Variants in TRAPPC9 observed in about 807,000 individuals in gnomAD.
TRAPPC9 encodes the protein trafficking protein particle complex subunit 9.
TRAPPC9 carries 83 observed loss-of-function variants against 124.0 expected under a neutral mutation model. The ratio of observed to expected loss-of-function variants is 0.67; its 90% CI spans 0.56 to 0.80. The LOEUF is 0.80. Ranked by LOEUF, TRAPPC9 falls within the 30% of genes least tolerant of loss-of-function variation. TRAPPC9 has a pLI of 0.00. For missense variants in TRAPPC9, 1,302 were observed against 1,508.3 expected (o/e 0.86, Z 2.27); for synonymous variants, 638 against 617.5 (o/e 1.03, Z -0.49).
chr8:140,364,187 G>A (rs1238587590), intron 8 of TRAPPC9, among the ~76,000 whole-genome samples: 1 of 150,330 alleles, frequency 6.7e-6, no homozygotes, highest in African/African-American at 2.5e-5. Context: ...ACTGGCCCCG[G>A]GACAGGAAAA....
At chr8:140,223,948 C>A (rs559318971) in intron 16 of TRAPPC9, among the ~76,000 whole-genome samples, 2 of 152,224 alleles carry the variant, frequency 1.3e-5, no homozygotes, top group Admixed American at 1.3e-4. Context: ...GCACCTTATG[C>A]CCAAAATAGC....
intron 9 of TRAPPC9, among the ~76,000 whole-genome samples, chr8:140,337,558 C>G (rs2067075927): frequency 6.6e-6 from 1 of 152,164 alleles, no homozygotes; most frequent in Non-Finnish European, 1.5e-5. Flanking sequence ...AACAAGGTCA[C>G]CGGCAAGAGA....
chr8:139,900,595 T>G (rs1364502707), intron 20 of TRAPPC9, among the ~76,000 whole-genome samples: 3 of 152,244 alleles, frequency 2.0e-5, no homozygotes, highest in Non-Finnish European at 4.4e-5. Context: ...TGTTTACAAA[T>G]GTTTTCATGT....
intron 16 of TRAPPC9, among the ~76,000 whole-genome samples, chr8:140,225,138 T>C (rs144583703): frequency 2.0e-5 from 3 of 152,374 alleles, no homozygotes; most frequent in Non-Finnish European, 2.9e-5. Flanking sequence ...GCTGTTCTTA[T>C]TCCTACTGCA....
chr8:140,024,401 CTT>C (rs35795692), intron 17 of TRAPPC9, among the ~76,000 whole-genome samples: 142 of 144,692 alleles, frequency 9.8e-4, no homozygotes, highest in Non-Finnish European at 1.1e-3. Flanking sequence ...AATATGGTTT[CTT>C]TTTTTTTTTT....
intron 5 of TRAPPC9, among the ~76,000 whole-genome samples, chr8:140,408,802 G>GAA (rs34569283): frequency 4.0e-5 from 5 of 125,458 alleles, no homozygotes; most frequent in Non-Finnish European, 6.6e-5. Context: ...TGGCCATTTG[G>GAA]AAAAAAAAAA....
chr8:139,808,440 G>A (rs929639129), intron 21 of TRAPPC9, among the ~76,000 whole-genome samples: 5 of 152,306 alleles, frequency 3.3e-5, no homozygotes, highest in Middle Eastern at 3.4e-3. Flanking sequence ...AAGCCTGAGC[G>A]ACAGCGCAAG....
At chr8:139,758,706 C>T (rs958321337) in intron 21 of TRAPPC9, among the ~76,000 whole-genome samples, 8 of 152,164 alleles carry the variant, frequency 5.3e-5, no homozygotes, top group South Asian at 2.1e-4. Flanking sequence ...AAGGTGAAGG[C>T]GGTTGGGGCA....
chr8:140,264,567 C>G (rs76517496), intron 15 of TRAPPC9, among the ~76,000 whole-genome samples: 17,001 of 106,962 alleles, frequency 0.16, 1,107 homozygotes, highest in Admixed American at 0.28. Flanking sequence ...AGAAAAAAAA[C>G]GGGGCGGGGG....
Position 139,875,785 on chromosome 8 carries a change from C to T in TRAPPC9, c.3055+10094G>A, listed in dbSNP as rs897168139. On this transcript the variant is annotated intron_variant, in intron 21 of 22. Coordinates refer to ENST00000438773, the MANE Select transcript of TRAPPC9 (RefSeq NM_001160372.4). ...AGAGTCAACAAAACCACCCAGTTCA[C>T]CTGCCCCAGTGGGCGGAGGCTCCTC... 2.0e-5 allele frequency among the ~76,000 whole-genome samples: 3 copies of T among 152,246 alleles called. No homozygotes were observed. In the East Asian group the frequency reaches 5.8e-4, roughly 29 times the overall value.
chr8:140,413,840 T>C (rs1368615908), intron 5 of TRAPPC9, among the ~76,000 whole-genome samples: 1 of 152,046 alleles, frequency 6.6e-6, no homozygotes, highest in East Asian at 1.9e-4. Context: ...GGACATGAAC[T>C]CATCATTTTT....
At chr8:140,112,842 T>TTC (rs1491387946) in intron 17 of TRAPPC9, among the ~76,000 whole-genome samples, 7 of 15,036 alleles carry the variant, frequency 4.7e-4, no homozygotes, top group South Asian at 2.2e-3. Flanking sequence ...TTTAATTTCC[T>TTC]TTTTTTTTTT....
rs564161102 is a variant in TRAPPC9 at position 139,974,288 on chromosome 8, T to C, written c.2810+14438A>G. Among the ~76,000 whole-genome samples, 9 of 152,216 alleles carry C rather than the reference T, an allele frequency of 5.9e-5. 1 individual carries two copies. The highest frequency in any genetic ancestry group is 2.2e-4 in the African/African-American group (9 of 41,548). On this transcript the variant is annotated intron_variant, in intron 19 of 22. Coordinates refer to ENST00000438773, the MANE Select transcript of TRAPPC9 (RefSeq NM_001160372.4). ...AACACAACAGAAAATGGAAAGCTAG[T>C]AGAATCTCAGAGCGTGGATGTACAG...
intron 17 of TRAPPC9, among the ~76,000 whole-genome samples, chr8:140,038,132 T>C (rs1436551311): frequency 6.6e-6 from 1 of 151,522 alleles, no homozygotes; most frequent in Non-Finnish European, 1.5e-5. Context: ...CATGTCTCCA[T>C]CCCACCAAAG....
At chr8:140,436,912 C>T (rs1380836995) in intron 3 of TRAPPC9, among the ~76,000 whole-genome samples, 1 of 152,148 alleles carries the variant, frequency 6.6e-6, no homozygotes, top group African/African-American at 2.4e-5. Context: ...TCTTTCCCCA[C>T]TTCTATTTCC....
chr8:140,169,282 A>G (rs2061913391), intron 17 of TRAPPC9, among the ~76,000 whole-genome samples: 1 of 152,194 alleles, frequency 6.6e-6, no homozygotes, highest in Non-Finnish European at 1.5e-5. Context: ...CACAGCTGGG[A>G]GGTAACAAGT....
Position 140,221,572 on chromosome 8 carries a change from C to A in TRAPPC9, c.2443G>T (p.Val815Leu), listed in dbSNP as rs749646306. ...GGACTGGACAGGGGAAAGCCACTCA[C>A]ACTGATTCCATCTACAAAATAAGAA... ...LQDLSDDGIS[V>L]SGFPLSSPFR... Residue 815 changes from valine to leucine, a missense_variant, in exon 17 of 23, where the codon GTG (valine) becomes TTG (leucine). Val to Leu is a conservative substitution (Grantham distance 32). Around this residue, in one of 3 missense-constraint regions of TRAPPC9, gnomAD observed 640 missense variants for 679.3 expected, o/e 0.94. Coordinates refer to ENST00000438773, the MANE Select transcript of TRAPPC9 (RefSeq NM_001160372.4). The A allele has an allele frequency of 1.2e-6, 2 of 1,614,024 alleles. No individual in the cohort carries two copies. The highest frequency in any genetic ancestry group is 1.7e-5 in the Admixed American group (1 of 60,010).
intron 21 of TRAPPC9, among the ~76,000 whole-genome samples, chr8:139,792,846 C>T (rs144153970): frequency 2.4e-4 from 37 of 152,334 alleles, no homozygotes; most frequent in Non-Finnish European, 5.0e-4. Context: ...GGACGAGAAC[C>T]AACAGCAGTT....
At chr8:140,116,696 C>T (rs1430955702) in intron 17 of TRAPPC9, among the ~76,000 whole-genome samples, 1 of 152,148 alleles carries the variant, frequency 6.6e-6, no homozygotes, top group Non-Finnish European at 1.5e-5. Context: ...CCAGGCGCTG[C>T]CCACGTCTGG....
Sources: allele counts gnomAD v4.1 joint callset (sites outside exome capture counted in the v4.1 genomes callset), GRCh38; gene constraint gnomAD v4.1.1; regional missense constraint gnomAD v4.1.1; transcripts MANE v1.5; gene names NCBI Gene and HGNC (gene_info 2026-07-23, HGNC 2026-07-21).